DLG2: variants seen among roughly 807,000 people sequenced by gnomAD.
The protein encoded by DLG2 is disks large homolog 2.
In DLG2, 45 loss-of-function variants were observed where a neutral mutation model predicts 132.5. That is an observed-to-expected ratio of 0.34 (90% CI 0.27 to 0.44). The LOEUF is 0.44. Ranked by LOEUF, DLG2 falls within the 20% of genes least tolerant of loss-of-function variation. The pLI is 1.00. For missense variants in DLG2, 1,045 were observed against 1,196.9 expected, an observed-to-expected ratio of 0.87 and a Z score of 1.87; for synonymous variants, 424 against 419.6, an observed-to-expected ratio of 1.01 and a Z score of -0.13.
chr11:84,245,471 G>T (rs1409231838), intron 8 of DLG2, among the ~76,000 whole-genome samples: 2 of 152,086 alleles, frequency 1.3e-5, no homozygotes, highest in Admixed American at 6.6e-5. Flanking sequence ...ACTCTTATTT[G>T]TGTTCTCTTT....
At chr11:85,224,583 A>G (rs953521647) in intron 4 of DLG2, among the ~76,000 whole-genome samples, 1 of 152,176 alleles carries the variant, frequency 6.6e-6, no homozygotes, top group African/African-American at 2.4e-5. Context: ...TATTTTCTGA[A>G]GTGTGACATG....
chr11:85,458,044 T>C (rs2092476865), intron 3 of DLG2, among the ~76,000 whole-genome samples: 2 of 152,346 alleles, frequency 1.3e-5, no homozygotes, highest in South Asian at 4.1e-4. Context: ...AGTTGCTTGC[T>C]TTCTCTCCAT....
Position 84,622,011 on chromosome 11 carries a change from G to A in DLG2, c.358-87280C>T, listed in dbSNP as rs138150174. 1.1e-4 allele frequency among the ~76,000 whole-genome samples: 17 copies of A among 152,272 alleles called. No homozygotes were observed. In the East Asian group the frequency reaches 2.5e-3, roughly 22 times the overall value. On this transcript the variant is annotated intron_variant, in intron 6 of 27. Coordinates refer to ENST00000376104, the MANE Select transcript of DLG2 (RefSeq NM_001142699.3). ...TTGAAGCTGTTACTGGACTCCTTAAGGGTCAGTAAGTAAGTAAAAAGTTGC... is the reference window on the plus strand; with the variant it reads ...TTGAAGCTGTTACTGGACTCCTTAAAGGTCAGTAAGTAAGTAAAAAGTTGC...
At chr11:84,714,642 TCTCTTTCTCTCTCTC>T (rs2060974138) in intron 6 of DLG2, among the ~76,000 whole-genome samples, 1 of 141,906 alleles carries the variant, frequency 7.0e-6, no homozygotes, top group African/African-American at 2.8e-5. Context: ...TCTCTCTCTC[TCTCTTTCTCTCTCTC>T]TCTCTCTCTC....
chr11:83,878,454 G>A (rs891483976), intron 15 of DLG2, among the ~76,000 whole-genome samples: 5 of 152,118 alleles, frequency 3.3e-5, no homozygotes, highest in African/African-American at 1.2e-4. Flanking sequence ...TTTATAAAAA[G>A]TTGAAATCAA....
intron 6 of DLG2, among the ~76,000 whole-genome samples, chr11:84,598,758 T>C (rs1369666262): frequency 2.0e-5 from 3 of 151,260 alleles, no homozygotes; most frequent in Non-Finnish European, 1.5e-5. Context: ...GAGACCCATC[T>C]ATGAAAAAAG....
chr11:85,258,815 C>T (rs557994050), intron 4 of DLG2, among the ~76,000 whole-genome samples: 4 of 152,256 alleles, frequency 2.6e-5, no homozygotes, highest in Admixed American at 2.6e-4. Flanking sequence ...GAGGCTCAAG[C>T]TCTGCCCTCT....
intron 2 of DLG2, among the ~76,000 whole-genome samples, chr11:85,602,218 A>G (rs1298403065): frequency 6.6e-6 from 1 of 152,082 alleles, no homozygotes; most frequent in African/African-American, 2.4e-5. Flanking sequence ...ACATCTATCC[A>G]TCAGTAAATC....
chr11:85,100,266 C>CTGATAATAATAATATAA (rs2070663210), intron 6 of DLG2, among the ~76,000 whole-genome samples: 1 of 151,990 alleles, frequency 6.6e-6, no homozygotes, highest in African/African-American at 2.4e-5. Flanking sequence ...TTCTCTAGTG[C>CTGATAATAATAATATAA]TGATAATAAT....
chr11:84,859,739 G>C (rs995293391), intron 6 of DLG2, among the ~76,000 whole-genome samples: 17 of 151,438 alleles, frequency 1.1e-4, no homozygotes, highest in African/African-American at 4.1e-4. Context: ...AAATACCTCT[G>C]ATCTCTTCAT....
At chr11:85,249,658 T>C (rs558261362) in intron 4 of DLG2, among the ~76,000 whole-genome samples, 2 of 152,186 alleles carry the variant, frequency 1.3e-5, no homozygotes, top group Admixed American at 6.6e-5. Context: ...GAATCAATGA[T>C]GGAGACAAAG....
At chr11:83,719,651 G>C (rs977937930) in intron 18 of DLG2, among the ~76,000 whole-genome samples, 2 of 152,132 alleles carry the variant, frequency 1.3e-5, no homozygotes, top group Admixed American at 1.3e-4. Flanking sequence ...ACCCCAGGGA[G>C]GGCATTAATC....
At chr11:83,884,248 C>T (rs370331710) in intron 15 of DLG2, among the ~76,000 whole-genome samples, 9 of 152,320 alleles carry the variant, frequency 5.9e-5, no homozygotes, top group African/African-American at 7.2e-5. Flanking sequence ...CCTAATACTG[C>T]GCTTTTCCGA....
intron 6 of DLG2, among the ~76,000 whole-genome samples, chr11:84,928,982 GTATATATATATATATA>G (rs58945482): frequency 1.0e-3 from 50 of 49,112 alleles, no homozygotes; most frequent in African/African-American, 3.5e-3. Context: ...GTGTGTGTGT[GTATATATATATATATA>G]TATATATATA....
Position 85,340,359 on chromosome 11 carries a change from A to C in DLG2, c.41-54994T>G, listed in dbSNP as rs562754117. ...TTGCAGGGACATGGATGAAGCTGGAAACCATCATTCTCAGCAAACTATCAC... is the reference window on the plus strand; with the variant it reads ...TTGCAGGGACATGGATGAAGCTGGACACCATCATTCTCAGCAAACTATCAC... On this transcript the variant is annotated intron_variant, in intron 3 of 27. Coordinates refer to ENST00000376104, the MANE Select transcript of DLG2 (RefSeq NM_001142699.3). 5.2e-4 allele frequency among the ~76,000 whole-genome samples: 79 copies of C among 152,324 alleles called. 1 individual carries two copies. The highest frequency in any genetic ancestry group is 1.9e-3 in the African/African-American group (78 of 41,584).
chr11:83,895,452 G>A (rs12289636), intron 15 of DLG2, among the ~76,000 whole-genome samples: 13,893 of 152,140 alleles, frequency 0.091, 805 homozygotes, highest in Middle Eastern at 0.19. Flanking sequence ...GAGCCACCGC[G>A]TCCAGCCACT....
intron 6 of DLG2, among the ~76,000 whole-genome samples, chr11:84,870,638 T>G (rs1343054665): frequency 6.6e-6 from 1 of 152,216 alleles, no homozygotes; most frequent in Non-Finnish European, 1.5e-5. Flanking sequence ...TGGGCATATG[T>G]GTGTCTTCCT....
intron 4 of DLG2, among the ~76,000 whole-genome samples, chr11:85,233,778 G>T (rs959739314): frequency 1.3e-5 from 2 of 150,672 alleles, no homozygotes; most frequent in Admixed American, 6.6e-5. Flanking sequence ...TTTTCTGGTG[G>T]TGGTGGCTGT....
intron 4 of DLG2, among the ~76,000 whole-genome samples, chr11:85,267,927 C>T (rs889681461): frequency 1.1e-4 from 17 of 151,768 alleles, no homozygotes; most frequent in Admixed American, 1.1e-3. Context: ...TGTGTTCCTG[C>T]TTTCCTTTGC....
Sources: gnomAD v4.1 joint callset for allele counts (sites outside exome capture counted in the v4.1 genomes callset) on GRCh38, gnomAD v4.1.1 for gene constraint, MANE v1.5 for transcripts, NCBI Gene and HGNC (gene_info 2026-07-23, HGNC 2026-07-21) for gene names.